The following OPCML variants were observed in gnomAD, a reference collection of about 807,000 sequenced individuals.
OPCML encodes the protein opioid-binding protein/cell adhesion molecule.
Under a neutral mutation model 37.8 loss-of-function variants are expected in OPCML, and 13 were observed. That is an observed-to-expected ratio of 0.34 (90% CI 0.22 to 0.55). OPCML has a LOEUF of 0.55. Among genes scored for constraint, OPCML ranks in the 20% least tolerant of loss-of-function variants. The pLI, the probability that OPCML is intolerant of heterozygous loss-of-function variation, is 0.91. For synonymous variants in OPCML, 176 were observed against 168.8 expected (o/e 1.04, Z -0.33); for missense variants, 341 against 435.6 (o/e 0.78, Z 1.93).
chr11:133,257,275 G>C (rs1260732927), intron 1 of OPCML, among the ~76,000 whole-genome samples: 4 of 152,142 alleles, frequency 2.6e-5, no homozygotes, highest in Admixed American at 2.6e-4. Context: ...TGCAAGAAAA[G>C]GTTATTCCTG....
At chr11:133,446,097 T>C (rs1052303829) in intron 1 of OPCML, among the ~76,000 whole-genome samples, 1 of 152,168 alleles carries the variant, frequency 6.6e-6, no homozygotes. Flanking sequence ...AAGATTCTCA[T>C]CTTTTTATTC....
At chr11:133,522,457 G>A (rs540342079) in intron 1 of OPCML, among the ~76,000 whole-genome samples, 61 of 152,308 alleles carry the variant, frequency 4.0e-4, no homozygotes, top group African/African-American at 1.4e-3. Context: ...GTATGCAAAT[G>A]CCACTGAAGG....
chr11:133,204,882 A>ATATATGTGTATATATATATATATGTG (rs1555114200), intron 1 of OPCML, among the ~76,000 whole-genome samples: 1 of 30,206 alleles, frequency 3.3e-5, no homozygotes, highest in Non-Finnish European at 8.4e-5. Context: ...ATATATATAT[A>ATATATGTGTATATATATATATATGTG]TATATATATA....
chr11:132,598,047 C>T (rs1053163685), intron 3 of OPCML, among the ~76,000 whole-genome samples: 1 of 151,940 alleles, frequency 6.6e-6, no homozygotes, highest in Non-Finnish European at 1.5e-5. Context: ...CAGCAACCCT[C>T]GCTCCATTCA....
intron 1 of OPCML, among the ~76,000 whole-genome samples, chr11:132,979,349 C>A (rs1165057660): frequency 6.6e-6 from 1 of 152,198 alleles, no homozygotes; most frequent in African/African-American, 2.4e-5. Flanking sequence ...GCTCCTCATC[C>A]CTGTCTGACC....
At chr11:133,129,006 G>A (rs142400530) in intron 1 of OPCML, among the ~76,000 whole-genome samples, 5 of 152,296 alleles carry the variant, frequency 3.3e-5, no homozygotes, top group African/African-American at 1.2e-4. Context: ...ATGAGACAGA[G>A]GTCCGCGAGA....
At chr11:132,977,038 G>A (rs966339869) in intron 1 of OPCML, among the ~76,000 whole-genome samples, 2 of 152,164 alleles carry the variant, frequency 1.3e-5, no homozygotes, top group Admixed American at 1.3e-4. Context: ...CTCCCTGCCT[G>A]CACGACACTG....
chr11:132,576,675 A>G (rs902046670), intron 3 of OPCML, among the ~76,000 whole-genome samples: 1 of 151,800 alleles, frequency 6.6e-6, no homozygotes, highest in Admixed American at 6.6e-5. Context: ...CTGATTCTTC[A>G]TTTTCCTTGA....
At chr11:132,552,583 G>A (rs2096384360) in intron 3 of OPCML, among the ~76,000 whole-genome samples, 1 of 152,118 alleles carries the variant, frequency 6.6e-6, no homozygotes, top group Non-Finnish European at 1.5e-5. Context: ...GACATATGGA[G>A]ATAACCTTCA....
At position 132,657,449 on chromosome 11, in the gene OPCML, G is replaced by T. The variant is rs183958878; in HGVS notation, c.147-130C>A. On this transcript the variant is annotated intron_variant, in intron 2 of 7. Transcript: ENST00000524381. ...AAACAACAAAACACAGTGCTAAAAG[G>T]AAACAATTATTGATGAAACTTCCTA... is the stretch of plus-strand genomic sequence containing the variant. 4.3e-4 allele frequency: 622 copies of T among 1,434,528 alleles called. 6 individuals carry two copies. Among genetic ancestry groups the T allele is most frequent in the Non-Finnish European group, 3.1e-5 (34 of 1,093,758 alleles). The allele number at this position is 1,434,528 out of a possible 1,614,324, so 88.9% of individuals were successfully genotyped here. A position where few individuals can be genotyped will look rare whatever the true frequency, so the allele number is the denominator to read the frequency against.
intron 2 of OPCML, among the ~76,000 whole-genome samples, chr11:132,923,240 A>T (rs902449463): frequency 3.9e-5 from 6 of 151,946 alleles, no homozygotes; most frequent in African/African-American, 1.5e-4. Flanking sequence ...GGTCAGACAC[A>T]TTTTTTTCCA....
intron 1 of OPCML, among the ~76,000 whole-genome samples, chr11:133,145,085 G>T (rs1387947936): frequency 1.3e-5 from 2 of 152,184 alleles, no homozygotes; most frequent in East Asian, 3.9e-4. Context: ...GACCAGGTGA[G>T]AATTCATTTA....
At chr11:132,843,092 C>CTTTTTTTTTTTTTTT (rs56036372) in intron 2 of OPCML, among the ~76,000 whole-genome samples, 1 of 123,334 alleles carries the variant, frequency 8.1e-6, no homozygotes, top group Non-Finnish European at 1.6e-5. Context: ...CTTTTTCTTT[C>CTTTTTTTTTTTTTTT]TTTTTTTTTT....
chr11:132,578,404 C>T (rs144078907), intron 3 of OPCML, among the ~76,000 whole-genome samples: 152 of 152,310 alleles, frequency 1.0e-3, no homozygotes, highest in Middle Eastern at 3.4e-3. Flanking sequence ...GGATGTTCTA[C>T]ATCCGTCACT....
intron 3 of OPCML, among the ~76,000 whole-genome samples, chr11:132,563,274 T>A (rs2137517628): frequency 6.6e-6 from 1 of 152,232 alleles, no homozygotes; most frequent in South Asian, 2.1e-4. Context: ...TTATTATCAC[T>A]CTGTTATGCT....
intron 1 of OPCML, among the ~76,000 whole-genome samples, chr11:133,306,210 T>G (rs1039617837): frequency 6.6e-6 from 1 of 152,186 alleles, no homozygotes; most frequent in Non-Finnish European, 1.5e-5. Context: ...TCCGTGTTTC[T>G]GTTTTCAGGT....
intron 2 of OPCML, among the ~76,000 whole-genome samples, chr11:132,853,980 A>T (rs1423518933): frequency 6.6e-6 from 1 of 152,136 alleles, no homozygotes; most frequent in African/African-American, 2.4e-5. Context: ...TTATATTTGA[A>T]GCTAGCCTCA....
chr11:132,644,146 A>G (rs1302069428), intron 3 of OPCML, among the ~76,000 whole-genome samples: 6 of 152,194 alleles, frequency 3.9e-5, no homozygotes, highest in Non-Finnish European at 7.3e-5. Context: ...AGAACCAATA[A>G]CAATGCTATA....
intron 2 of OPCML, among the ~76,000 whole-genome samples, chr11:132,668,495 T>C (rs1183265847): frequency 2.0e-5 from 3 of 152,186 alleles, no homozygotes; most frequent in African/African-American, 7.2e-5. Flanking sequence ...TACACAGTGC[T>C]ATTATGAGGA....
Sources: allele counts gnomAD v4.1 joint callset (sites outside exome capture counted in the v4.1 genomes callset), GRCh38; gene constraint gnomAD v4.1.1; transcripts MANE v1.5; gene names NCBI Gene and HGNC (gene_info 2026-07-23, HGNC 2026-07-21).